The following PCDHGA5 variants were observed in gnomAD, a reference collection of about 807,000 sequenced individuals.
PCDHGA5 encodes protocadherin gamma-A5.
PCDHGA5 carries 36 observed loss-of-function variants against 56.7 expected under a neutral mutation model. The observed-to-expected ratio is 0.64, with a 90% CI of 0.49 to 0.84. PCDHGA5 has a LOEUF of 0.84. PCDHGA5 is among the 40% of genes least tolerant of loss of function. The pLI, the probability that PCDHGA5 is intolerant of heterozygous loss-of-function variation, is 0.00. For synonymous variants in PCDHGA5, 563 were observed against 520.2 expected (o/e 1.08, Z -1.12); for missense variants, 1,305 against 1,201.5 (o/e 1.09, Z -1.27).
chr5:141,414,472 A>G (rs1039987036), intron 1 of PCDHGA5: 1 of 1,613,914 alleles, frequency 6.2e-7, no homozygotes, highest in African/African-American at 1.3e-5. Flanking sequence ...AGATGGGGGA[A>G]GTCCTCCTCT....
Position 141,371,259 on chromosome 5 carries a change from A to T in PCDHGA5, c.2421+4508A>T, listed in dbSNP as rs767414793. 5 of 1,613,926 alleles carry T rather than the reference A, an allele frequency of 3.1e-6. No individual in the cohort carries two copies. In the African/African-American group the frequency reaches 6.7e-5, roughly 22 times the overall value. ...CTTCATCAATATTGGCAAGGAAGTG[A>T]GACAACTGTTCAAGCTGGACAGTAA... On this transcript the variant is annotated intron_variant, in intron 1 of 3. Transcript: ENST00000518069.
chr5:141,366,958 A>G, intron 1 of PCDHGA5: 1 of 658,344 alleles, frequency 1.5e-6, no homozygotes, highest in Non-Finnish European at 2.4e-6. Flanking sequence ...TGTAGACTTA[A>G]GTGAAACAAA....
intron 1 of PCDHGA5, chr5:141,413,287 T>C (rs937508313): frequency 6.2e-7 from 1 of 1,613,950 alleles, no homozygotes. Flanking sequence ...GATCTCCTAC[T>C]CAATTCCTGA....
chr5:141,495,547 C>G (rs2099762038), intron 2 of PCDHGA5, among the ~76,000 whole-genome samples: 1 of 152,228 alleles, frequency 6.6e-6, no homozygotes, highest in South Asian at 2.1e-4. Flanking sequence ...CAGTCTCTAT[C>G]TCGCTTTGCA....
chr5:141,407,125 T>C (rs1367266686), intron 1 of PCDHGA5, among the ~76,000 whole-genome samples: 1 of 152,254 alleles, frequency 6.6e-6, no homozygotes, highest in Non-Finnish European at 1.5e-5. Context: ...TTCAGTTGCT[T>C]TATTTTTAAG....
At chr5:141,498,980 GGAAGGAA>G in intron 2 of PCDHGA5, among the ~76,000 whole-genome samples, 1 of 44,970 alleles carries the variant, frequency 2.2e-5, no homozygotes, top group South Asian at 1.0e-3. Context: ...AGGGAAGGAA[GGAAGGAA>G]GGAAGGAAGG....
intron 1 of PCDHGA5, chr5:141,374,159 G>C: frequency 6.2e-7 from 1 of 1,612,288 alleles, no homozygotes. Context: ...GCTGTGGGGG[G>C]CCGCGGCAGC....
chr5:141,503,924 G>C (rs1282755998), intron 2 of PCDHGA5, among the ~76,000 whole-genome samples: 1 of 152,146 alleles, frequency 6.6e-6, no homozygotes, highest in Non-Finnish European at 1.5e-5. Flanking sequence ...CACACACACA[G>C]ACATTTTCAT....
At chr5:141,382,943 T>G in intron 1 of PCDHGA5, 2 of 1,596,184 alleles carry the variant, frequency 1.3e-6, no homozygotes, top group African/African-American at 1.3e-5. Flanking sequence ...GGATTCTTCC[T>G]GCTCTCCATC....
At chr5:141,379,087 A>G (rs1464802506) in intron 1 of PCDHGA5, 1 of 152,222 alleles carries the variant, frequency 6.6e-6, no homozygotes, top group Non-Finnish European at 1.5e-5. Flanking sequence ...TTTGTTATGA[A>G]TGTGTAAGAA....
chr5:141,399,619 G>C (rs749025661), intron 1 of PCDHGA5: 1 of 1,613,902 alleles, frequency 6.2e-7, no homozygotes, highest in Non-Finnish European at 8.5e-7. Context: ...TCTGGCACTG[G>C]CCTCTTACGT....
At chr5:141,508,700 CCT>C in intron 3 of PCDHGA5, among the ~76,000 whole-genome samples, 1 of 152,158 alleles carries the variant, frequency 6.6e-6, no homozygotes, top group Non-Finnish European at 1.5e-5. Flanking sequence ...CCGTGTTCCT[CCT>C]CATTCTTTTC....
intron 1 of PCDHGA5, chr5:141,419,861 T>G (rs749551833): frequency 6.2e-7 from 1 of 1,614,098 alleles, no homozygotes; most frequent in Non-Finnish European, 8.5e-7. Context: ...CGCAGATAGC[T>G]TGCAAGAGGT....
intron 1 of PCDHGA5, chr5:141,387,734 T>C: frequency 7.7e-7 from 1 of 1,302,214 alleles, no homozygotes; most frequent in East Asian, 2.5e-5. Context: ...GCGCCAGCCT[T>C]TACACCGCTT....
chr5:141,364,915 G>T lies in PCDHGA5; in HGVS notation c.585G>T (p.Val195=), dbSNP rs1763616813. The part of the protein sequence containing the change: ...GTDGQKYPEL[V]LEQPLDREKE... Reference sequence around the variant, plus strand: ...ATGGACAAAAGTATCCGGAGCTGGTGTTGGAACAGCCCCTAGACCGCGAGA... The same window carrying T: ...ATGGACAAAAGTATCCGGAGCTGGTTTTGGAACAGCCCCTAGACCGCGAGA... Residue 195 remains valine (V), a synonymous_variant, in exon 1 of 4, where the codon GTG becomes GTT. Transcript: ENST00000518069. The T allele has an allele frequency of 6.2e-7, 1 of 1,613,946 alleles. No individual in the cohort carries two copies. The highest frequency in any genetic ancestry group is 2.2e-5 in the East Asian group (1 of 44,870).
intron 1 of PCDHGA5, chr5:141,399,117 A>C (rs370431268): frequency 6.2e-6 from 10 of 1,613,848 alleles, no homozygotes; most frequent in Non-Finnish European, 8.5e-6. Flanking sequence ...GTACAGTTGA[A>C]ATTAATATTC....
At chr5:141,372,610 T>A in intron 1 of PCDHGA5, 3 of 1,613,984 alleles carry the variant, frequency 1.9e-6, no homozygotes, top group Non-Finnish European at 2.5e-6. Flanking sequence ...GTACCTGGAG[T>A]TCTCCCCACC....
chr5:141,392,659 A>T, intron 1 of PCDHGA5: 2 of 788,300 alleles, frequency 2.5e-6, no homozygotes, highest in Non-Finnish European at 3.8e-6. Flanking sequence ...CGCAGATGCC[A>T]CAAACTAACT....
intron 1 of PCDHGA5, chr5:141,390,310 C>T: frequency 1.2e-6 from 2 of 1,612,362 alleles, no homozygotes; most frequent in Non-Finnish European, 1.7e-6. Context: ...TAATTTAATG[C>T]TCATTGCCTA....
Sources: allele counts gnomAD v4.1 joint callset (sites outside exome capture counted in the v4.1 genomes callset), GRCh38; gene constraint gnomAD v4.1.1; transcripts MANE v1.5; gene names NCBI Gene and HGNC (gene_info 2026-07-23, HGNC 2026-07-21).